PTPRM: variants seen among roughly 807,000 people sequenced by gnomAD.
PTPRM encodes receptor-type tyrosine-protein phosphatase mu.
Under a neutral mutation model 186.7 loss-of-function variants are expected in PTPRM, and 47 were observed. The observed-to-expected ratio is 0.25, with a 90% confidence interval of 0.20 to 0.32. PTPRM has a LOEUF of 0.32. Ranked by LOEUF, PTPRM falls within the 10% of genes least tolerant of loss-of-function variation. PTPRM has a pLI of 1.00. For missense variants in PTPRM, 1,494 were observed against 1,865.0 expected (o/e 0.80, Z 3.66); for synonymous variants, 668 against 674.9 (o/e 0.99, Z 0.16).
At chr18:8,402,084 C>T (rs2095875247) in intron 32 of PTPRM, among the ~76,000 whole-genome samples, 1 of 152,196 alleles carries the variant, frequency 6.6e-6, no homozygotes, top group South Asian at 2.1e-4. Flanking sequence ...GCTCATGTGG[C>T]TTAATTATAC....
intron 17 of PTPRM, among the ~76,000 whole-genome samples, chr18:8,249,464 A>G (rs1011920224): frequency 1.3e-5 from 2 of 152,184 alleles, no homozygotes; most frequent in Admixed American, 6.5e-5. Context: ...TATTCTTTTC[A>G]TAAGTGAGGG....
intron 2 of PTPRM, among the ~76,000 whole-genome samples, chr18:7,780,088 A>C (rs116993690): frequency 0.018 from 2,698 of 152,296 alleles, 19 homozygotes; most frequent in Non-Finnish European, 0.026. Flanking sequence ...TTCTTCTCTA[A>C]AAAAAGTAAG....
At position 7,885,299 on chromosome 18, in the gene PTPRM, G is replaced by A. The variant is rs1458958749; in HGVS notation, c.197-2807G>A. Among the ~76,000 whole-genome samples the A allele has an allele frequency of 2.6e-5, 4 of 152,202 alleles. No individual in the cohort carries two copies. In the South Asian group the frequency reaches 6.2e-4, roughly 24 times the overall value. On this transcript the variant is annotated intron_variant, in intron 2 of 32. Coordinates refer to ENST00000580170, the MANE Select transcript of PTPRM (RefSeq NM_001105244.2). ...TCCTTTTTAAACACAGAGGAAGGGGGCAGAGGCTTCACAGTTCTTCACCCG... is the reference window on the plus strand; with the variant it reads ...TCCTTTTTAAACACAGAGGAAGGGGACAGAGGCTTCACAGTTCTTCACCCG...
chr18:7,926,817 A>G, intron 5 of PTPRM, 134 bp downstream of exon 5: 1 of 499,920 alleles, frequency 2.0e-6, no homozygotes, highest in East Asian at 3.3e-5. Context: ...TAGCCAGATT[A>G]CTTAGTAATC....
chr18:8,139,509 T>G (rs1336278290), intron 13 of PTPRM, among the ~76,000 whole-genome samples: 1 of 152,152 alleles, frequency 6.6e-6, no homozygotes, highest in East Asian at 1.9e-4. Flanking sequence ...CAGATCAAGT[T>G]CCTCCTCTGC....
At chr18:8,341,279 A>C (rs1446958699) in intron 22 of PTPRM, among the ~76,000 whole-genome samples, 1 of 152,222 alleles carries the variant, frequency 6.6e-6, no homozygotes, top group African/African-American at 2.4e-5. Flanking sequence ...TAACACTGTC[A>C]TAATAATATG....
chr18:7,836,654 A>C (rs2046066289), intron 2 of PTPRM, among the ~76,000 whole-genome samples: 1 of 152,206 alleles, frequency 6.6e-6, no homozygotes, highest in African/African-American at 2.4e-5. Context: ...ACTCCCTTTA[A>C]CATTTCTTGT....
At chr18:8,285,858 T>G (rs1433872678) in intron 19 of PTPRM, among the ~76,000 whole-genome samples, 1 of 151,944 alleles carries the variant, frequency 6.6e-6, no homozygotes, top group South Asian at 2.1e-4. Flanking sequence ...TGGGCATGGT[T>G]GTGTGTACCT....
intron 19 of PTPRM, among the ~76,000 whole-genome samples, chr18:8,293,005 G>C (rs1415762498): frequency 6.6e-6 from 1 of 152,136 alleles, no homozygotes; most frequent in Non-Finnish European, 1.5e-5. Context: ...AGATGTTGAG[G>C]TGTCTGTCTT....
intron 1 of PTPRM, among the ~76,000 whole-genome samples, chr18:7,578,035 C>A (rs1446500546): frequency 6.6e-6 from 1 of 152,102 alleles, no homozygotes; most frequent in Non-Finnish European, 1.5e-5. Context: ...GCAGTAGTAG[C>A]CTCTGGTTGG....
At chr18:8,213,808 C>T (rs563481022) in intron 14 of PTPRM, among the ~76,000 whole-genome samples, 46 of 152,242 alleles carry the variant, frequency 3.0e-4, no homozygotes, top group Non-Finnish European at 4.7e-4. Context: ...TGCATGCATG[C>T]GCTTGTCACT....
intron 19 of PTPRM, among the ~76,000 whole-genome samples, chr18:8,267,099 G>A (rs1029861819): frequency 1.1e-4 from 17 of 152,086 alleles, no homozygotes; most frequent in East Asian, 7.7e-4. Context: ...AATACGCAGC[G>A]TATGTTTTTA....
intron 2 of PTPRM, among the ~76,000 whole-genome samples, chr18:7,834,738 C>A (rs1161130151): frequency 6.6e-6 from 1 of 151,694 alleles, no homozygotes; most frequent in Non-Finnish European, 1.5e-5. Flanking sequence ...ATCATCAGGT[C>A]CTGGCATTTT....
chr18:8,170,805 A>T (rs1159525592), intron 14 of PTPRM, among the ~76,000 whole-genome samples: 1 of 152,196 alleles, frequency 6.6e-6, no homozygotes, highest in African/African-American at 2.4e-5. Flanking sequence ...CCCGATAGCC[A>T]TCAAAGGTGA....
At chr18:8,118,657 G>A (rs914932876) in intron 13 of PTPRM, among the ~76,000 whole-genome samples, 9 of 151,996 alleles carry the variant, frequency 5.9e-5, no homozygotes, top group African/African-American at 7.2e-5. Context: ...AAAATTAGCC[G>A]GGCGCAGTGG....
chr18:8,048,554 A>G (rs1191096441), intron 7 of PTPRM, among the ~76,000 whole-genome samples: 1 of 151,858 alleles, frequency 6.6e-6, no homozygotes, highest in Non-Finnish European at 1.5e-5. Flanking sequence ...CTTATCAATC[A>G]TAGGCTCTTT....
intron 7 of PTPRM, among the ~76,000 whole-genome samples, chr18:7,981,681 A>G (rs1295312952): frequency 6.6e-6 from 1 of 152,184 alleles, no homozygotes; most frequent in Non-Finnish European, 1.5e-5. Context: ...TGAGAAATGC[A>G]TCTTTAGGTG....
chr18:7,926,564 G>T lies in PTPRM; in HGVS notation c.548-4G>T, dbSNP rs762679249. The T allele has an allele frequency of 2.5e-6, 4 of 1,595,210 alleles. No individual in the cohort carries two copies. The highest frequency in any genetic ancestry group is 3.4e-6 in the Non-Finnish European group (4 of 1,170,392). On this transcript the variant is annotated splice_region_variant and splice_polypyrimidine_tract_variant and intron_variant, in intron 4 of 32. Coordinates refer to ENST00000580170, the MANE Select transcript of PTPRM (RefSeq NM_001105244.2). ...AATATCTTTCATTCTTTTTCTTTATGTAGCCAGGACTCCTCACTTCCTGCG... is the reference window on the plus strand; with the variant it reads ...AATATCTTTCATTCTTTTTCTTTATTTAGCCAGGACTCCTCACTTCCTGCG...
chr18:7,642,849 A>T (rs1478370162), intron 1 of PTPRM, among the ~76,000 whole-genome samples: 1 of 71,492 alleles, frequency 1.4e-5, no homozygotes, highest in Non-Finnish European at 2.2e-5. Context: ...GCCTTTACTT[A>T]AAAAAAAAAA....
Sources: gnomAD v4.1 joint callset for allele counts (sites outside exome capture counted in the v4.1 genomes callset) on GRCh38, gnomAD v4.1.1 for gene constraint, MANE v1.5 for transcripts, NCBI Gene and HGNC (gene_info 2026-07-23, HGNC 2026-07-21) for gene names.